The following GABRG3 variants were observed in gnomAD, a reference collection of about 807,000 sequenced individuals.
GABRG3 encodes the protein gamma-aminobutyric acid type A receptor subunit gamma3.
GABRG3 carries 25 observed loss-of-function variants against 48.8 expected under a neutral mutation model. The observed-to-expected ratio is 0.51, with a 90% CI of 0.37 to 0.72. The LOEUF (loss-of-function observed/expected upper bound fraction) is 0.72. Among genes scored for constraint, GABRG3 ranks in the 30% least tolerant of loss-of-function variants. GABRG3 has a pLI of 0.00. For synonymous variants in GABRG3, 227 were observed against 217.6 expected, an observed-to-expected ratio of 1.04 and a Z score of -0.38; for missense variants, 394 against 577.9, an observed-to-expected ratio of 0.68 and a Z score of 3.26.
chr15:27,347,888 A>AG (rs1270187736), intron 5 of GABRG3, among the ~76,000 whole-genome samples: 6 of 152,066 alleles, frequency 3.9e-5, no homozygotes, highest in East Asian at 3.9e-4. Context: ...TGCAGATTTC[A>AG]GGGGGGGTTT....
intron 2 of GABRG3, among the ~76,000 whole-genome samples, chr15:27,023,341 A>G (rs1895930377): frequency 6.6e-6 from 1 of 152,168 alleles, no homozygotes; most frequent in Non-Finnish European, 1.5e-5. Context: ...CATCTTAACC[A>G]TTGTTAAATG....
intron 3 of GABRG3, among the ~76,000 whole-genome samples, chr15:27,275,470 C>G (rs1424728334): frequency 1.3e-5 from 2 of 152,166 alleles, no homozygotes. Flanking sequence ...TGGTCCTACT[C>G]AGTCAGGACC....
Position 27,236,208 on chromosome 15 carries a change from T to G in GABRG3, c.271-90601T>G, listed in dbSNP as rs189360111. Reference sequence around the variant, plus strand: ...CATGGAAGCATCTCAGGAGGAAGCCTGCTTATCCCTGTGGAGACTCTGATG... The same window carrying G: ...CATGGAAGCATCTCAGGAGGAAGCCGGCTTATCCCTGTGGAGACTCTGATG... On this transcript the variant is annotated intron_variant, in intron 3 of 9. Transcript: ENST00000615808. This position sits in a 1 kb window ranked among gnomAD's most constrained non-coding sequence, Gnocchi z 4.4. Among the ~76,000 whole-genome samples, 3 of 152,312 alleles carry G rather than the reference T, an allele frequency of 2.0e-5. No individual in the cohort carries two copies. In the East Asian group the frequency reaches 5.8e-4, roughly 29 times the overall value.
At chr15:27,500,782 T>C (rs1293959510) in intron 6 of GABRG3, among the ~76,000 whole-genome samples, 4 of 152,042 alleles carry the variant, frequency 2.6e-5, no homozygotes, top group Non-Finnish European at 5.9e-5. Flanking sequence ...TCTGCATTCA[T>C]CATATCACTA....
chr15:27,201,376 GAGAA>G (rs1199504560), intron 3 of GABRG3, among the ~76,000 whole-genome samples: 1 of 151,494 alleles, frequency 6.6e-6, no homozygotes, highest in Non-Finnish European at 1.5e-5. Flanking sequence ...GTGTGTGAGA[GAGAA>G]AGAGAGAGAG....
At chr15:27,308,340 AATATAAACATACGTTTAT>A (rs1892804253) in intron 3 of GABRG3, among the ~76,000 whole-genome samples, 1 of 127,192 alleles carries the variant, frequency 7.9e-6, no homozygotes, top group Non-Finnish European at 1.7e-5. Flanking sequence ...ATATAAACAT[AATATAAACATACGTTTAT>A]ATATAAACAT....
At chr15:27,245,636 G>A (rs574896798) in intron 3 of GABRG3, among the ~76,000 whole-genome samples, 13 of 152,242 alleles carry the variant, frequency 8.5e-5, no homozygotes, top group South Asian at 6.2e-4. Context: ...CACTTTGGGA[G>A]GCTGAGGCAG....
rs1894960057 is a variant in GABRG3, at chr15:26,976,912, C to T, written c.54-90C>T. On this transcript the variant is annotated intron_variant, in intron 1 of 9. Coordinates refer to ENST00000615808, the MANE Select transcript of GABRG3 (RefSeq NM_033223.5). This position sits in a 1 kb window ranked among gnomAD's most constrained non-coding sequence, Gnocchi z 7.8. ...CTGTGGGTACTGGGGACTTTCTACC[C>T]ATTTCATGGTACTTGGATAGGACAA... 1.5e-6 allele frequency: 2 copies of T among 1,341,172 alleles called. No individual in the cohort carries two copies. Among genetic ancestry groups the T allele is most frequent in the African/African-American group, 1.5e-5 (1 of 68,162 alleles). 83.1% of individuals were successfully genotyped at this position (1,341,172 alleles called of 1,614,324 possible). A position where few individuals can be genotyped will look rare whatever the true frequency, so the allele number is the denominator to read the frequency against.
rs115244505 is a variant in GABRG3 at position 27,517,546 on chromosome 15, C to T, written c.713-2426C>T. Among the ~76,000 whole-genome samples the T allele has an allele frequency of 5.1e-3, 784 of 152,262 alleles. 4 individuals are homozygous for T. The highest frequency in any genetic ancestry group is 0.018 in the African/African-American group (742 of 41,552). On this transcript the variant is annotated intron_variant, in intron 6 of 9. Transcript: ENST00000615808. Reference sequence around the variant, plus strand: ...GGTGGATTTGCTGTAATAAATTGTGCGTCTTGTCTGGAGTTGTCTTTCTGT... The same window carrying T: ...GGTGGATTTGCTGTAATAAATTGTGTGTCTTGTCTGGAGTTGTCTTTCTGT...
intron 5 of GABRG3, among the ~76,000 whole-genome samples, chr15:27,425,069 G>A (rs180949086): frequency 1.7e-4 from 26 of 152,248 alleles, no homozygotes; most frequent in African/African-American, 6.0e-4. Flanking sequence ...GAGCTTCCCT[G>A]ATTGGCAGTA....
In GABRG3 at chr15:27,540,293, G is replaced by C. The variant is rs183175043; in HGVS notation, c.*7412G>C. 6.6e-6 allele frequency: 1 copy of C among 151,658 alleles called. No homozygotes were observed. The highest frequency in any genetic ancestry group is 2.4e-5 in the African/African-American group (1 of 41,240). 9.4% of individuals were successfully genotyped at this position (151,658 alleles called of 1,614,324 possible). ...TCTTTTTTTTTCCGTTTTTACCTTA[G>C]TTGGCTATTTTATTCCTTTTCGTAA... is the stretch of plus-strand genomic sequence containing the variant. On this transcript the variant is annotated 3_prime_UTR_variant, in exon 10 of 10. Transcript: ENST00000615808.
intron 2 of GABRG3, among the ~76,000 whole-genome samples, chr15:26,978,073 C>T (rs1009424328): frequency 1.3e-5 from 2 of 152,080 alleles, no homozygotes; most frequent in Non-Finnish European, 2.9e-5. Flanking sequence ...TTACATTTCC[C>T]TAATTGTTAG....
intron 3 of GABRG3, among the ~76,000 whole-genome samples, chr15:27,045,916 A>G (rs146001302): frequency 3.3e-4 from 51 of 152,252 alleles, no homozygotes; most frequent in African/African-American, 1.2e-3. Context: ...ATGGAGAAAC[A>G]CTGGCTCAGC....
chr15:27,373,883 C>T (rs1270193070), intron 5 of GABRG3, among the ~76,000 whole-genome samples: 1 of 151,472 alleles, frequency 6.6e-6, no homozygotes, highest in Non-Finnish European at 1.5e-5. Flanking sequence ...TGTTTTTTTT[C>T]TCTGAAACAC....
Position 27,249,241 on chromosome 15 carries a change from G to T in GABRG3, c.271-77568G>T, listed in dbSNP as rs562049617. Among the ~76,000 whole-genome samples the T allele has an allele frequency of 9.9e-5, 15 of 152,260 alleles. No individual in the cohort carries two copies. In the East Asian group the frequency reaches 2.5e-3, roughly 26 times the overall value. The stretch of plus-strand genomic sequence containing the variant: ...TCCGGGGAGGCTGCTCCTCCGCGTG[G>T]CCAGGAACAGGCCAAGGACCAAAAC... On this transcript the variant is annotated intron_variant, in intron 3 of 9. Transcript: ENST00000615808.
chr15:27,316,122 C>T (rs1425754524), intron 3 of GABRG3, among the ~76,000 whole-genome samples: 2 of 152,140 alleles, frequency 1.3e-5, no homozygotes, highest in Non-Finnish European at 1.5e-5. Context: ...CGGTGGCTCA[C>T]GCCTGTAATC....
intron 3 of GABRG3, among the ~76,000 whole-genome samples, chr15:27,292,979 G>A (rs1891844594): frequency 1.3e-5 from 2 of 152,180 alleles, no homozygotes; most frequent in Non-Finnish European, 2.9e-5. Flanking sequence ...TATATAGAAA[G>A]CCCTAATCCT....
chr15:27,172,176 G>A (rs1246783370), intron 3 of GABRG3, among the ~76,000 whole-genome samples: 2 of 152,198 alleles, frequency 1.3e-5, no homozygotes, highest in Non-Finnish European at 2.9e-5. Flanking sequence ...TCAACCCACA[G>A]CAGTGCTCAA....
intron 5 of GABRG3, among the ~76,000 whole-genome samples, chr15:27,476,627 A>T (rs1336190313): frequency 6.6e-6 from 1 of 152,190 alleles, no homozygotes; most frequent in African/African-American, 2.4e-5. Context: ...TTATCCAGTG[A>T]GTGGAACAAA....
Sources: allele counts gnomAD v4.1 joint callset (sites outside exome capture counted in the v4.1 genomes callset), GRCh38; gene constraint gnomAD v4.1.1; non-coding constraint Gnocchi (gnomAD v3.1); transcripts MANE v1.5; gene names NCBI Gene and HGNC (gene_info 2026-07-23, HGNC 2026-07-21).